FARS2: variants seen among roughly 807,000 people sequenced by gnomAD.
The protein encoded by FARS2 is phenylalanyl-tRNA synthetase 2, mitochondrial.
Under a neutral mutation model 46.4 loss-of-function variants are expected in FARS2, and 40 were observed. The ratio of observed to expected loss-of-function variants is 0.86; its 90% CI spans 0.67 to 1.12. The LOEUF (loss-of-function observed/expected upper bound fraction) is 1.12. Among genes scored for constraint, FARS2 ranks in the 50% most tolerant of loss-of-function variants. The pLI, the probability that FARS2 is intolerant of heterozygous loss-of-function variation, is 0.00. For synonymous variants in FARS2, 234 were observed against 214.9 expected (o/e 1.09, Z -0.78); for missense variants, 513 against 567.9 (o/e 0.90, Z 0.98).
chr6:5,329,457 A>T (rs1173194315), intron 1 of FARS2, among the ~76,000 whole-genome samples: 2 of 146,354 alleles, frequency 1.4e-5, no homozygotes, highest in Non-Finnish European at 3.0e-5. Flanking sequence ...CAACAAATGT[A>T]TGAGTTTTTA....
chr6:5,411,731 C>A (rs1226693908), intron 3 of FARS2, among the ~76,000 whole-genome samples: 1 of 152,094 alleles, frequency 6.6e-6, no homozygotes, highest in East Asian at 1.9e-4. Flanking sequence ...GCTAACATTT[C>A]AATTGTACCA....
chr6:5,291,520 T>A (rs1296015017), intron 1 of FARS2: 4 of 152,210 alleles, frequency 2.6e-5, no homozygotes, highest in African/African-American at 9.7e-5. Flanking sequence ...GAAAATGAAG[T>A]CTGAGATCTT....
chr6:5,660,177 T>C (rs767388350), intron 6 of FARS2, among the ~76,000 whole-genome samples: 8 of 152,232 alleles, frequency 5.3e-5, no homozygotes, highest in Non-Finnish European at 8.8e-5. Flanking sequence ...TTTATTCATA[T>C]GAATGTCCAC....
chr6:5,724,746 G>T (rs1760142391), intron 6 of FARS2, among the ~76,000 whole-genome samples: 2 of 152,178 alleles, frequency 1.3e-5, no homozygotes, highest in African/African-American at 4.8e-5. Flanking sequence ...CGTACTTCAG[G>T]ACCACTCTTT....
chr6:5,344,708 G>A (rs956051500), intron 1 of FARS2, among the ~76,000 whole-genome samples: 4 of 152,082 alleles, frequency 2.6e-5, no homozygotes, highest in Admixed American at 6.5e-5. Context: ...GGCAATTGGA[G>A]TTAGATCTGG....
At chr6:5,438,582 T>A (rs969180248) in intron 4 of FARS2, among the ~76,000 whole-genome samples, 3 of 152,166 alleles carry the variant, frequency 2.0e-5, no homozygotes, top group Admixed American at 2.0e-4. Flanking sequence ...TCCTGTATTT[T>A]CATTTCTATC....
At position 5,714,090 on chromosome 6, in the gene FARS2, G is replaced by A. The variant is rs566179600; in HGVS notation, c.1218-57201G>A. Among the ~76,000 whole-genome samples the A allele has an allele frequency of 1.3e-4, 20 of 152,308 alleles. No homozygotes were observed. The South Asian group carries it at 3.9e-3, about 30-fold the overall frequency. On this transcript the variant is annotated intron_variant, in intron 6 of 6. Transcript: ENST00000274680. ...CGCCATTGTGTGTGTGTGTGAGTGC[G>A]CGTGTGTCGAGCTTTGCTTTCAGAG...
chr6:5,301,802 T>TAC (rs143654686), intron 1 of FARS2, among the ~76,000 whole-genome samples: 23,606 of 132,040 alleles, frequency 0.18, 1,886 homozygotes, highest in East Asian at 0.3. Flanking sequence ...CACACACACA[T>TAC]ACACACACAC....
At chr6:5,529,277 A>G (rs935541796) in intron 4 of FARS2, among the ~76,000 whole-genome samples, 4 of 152,108 alleles carry the variant, frequency 2.6e-5, no homozygotes, top group Admixed American at 6.5e-5. Flanking sequence ...GAAAGCATCT[A>G]TCACATTTTT....
chr6:5,368,373 T>G (rs1307752257), intron 1 of FARS2, among the ~76,000 whole-genome samples, 177 bp from the exon 2 acceptor site: 1 of 152,186 alleles, frequency 6.6e-6, no homozygotes, highest in Non-Finnish European at 1.5e-5. Context: ...TTTCATTTAG[T>G]GTATTAAGTA....
intron 5 of FARS2, among the ~76,000 whole-genome samples, chr6:5,612,782 A>G (rs373051230): frequency 6.6e-6 from 1 of 152,208 alleles, no homozygotes; most frequent in Admixed American, 6.5e-5. Context: ...TTCCTCTACT[A>G]AAATGGCTTT....
intron 4 of FARS2, among the ~76,000 whole-genome samples, chr6:5,444,294 C>T (rs1172627355): frequency 1.3e-5 from 2 of 151,864 alleles, no homozygotes; most frequent in East Asian, 3.9e-4. Flanking sequence ...TGGTGAAGCC[C>T]CGTCTCTACT....
chr6:5,324,093 G>A (rs933312842), intron 1 of FARS2, among the ~76,000 whole-genome samples: 1 of 152,168 alleles, frequency 6.6e-6, no homozygotes, highest in African/African-American at 2.4e-5. Flanking sequence ...CTCTTAGTCT[G>A]TAAGAGAAAG....
intron 4 of FARS2, among the ~76,000 whole-genome samples, chr6:5,440,547 A>T (rs1359632184): frequency 6.6e-6 from 1 of 152,262 alleles, no homozygotes; most frequent in Non-Finnish European, 1.5e-5. Flanking sequence ...TTTATGATGC[A>T]TATTCATAGG....
At chr6:5,401,433 T>A (rs543086237) in intron 2 of FARS2, among the ~76,000 whole-genome samples, 1 of 152,210 alleles carries the variant, frequency 6.6e-6, no homozygotes, top group African/African-American at 2.4e-5. Flanking sequence ...TCTACTTTCC[T>A]CTTTGCTGCT....
intron 6 of FARS2, among the ~76,000 whole-genome samples, chr6:5,752,387 C>A (rs1761997280): frequency 6.6e-6 from 1 of 152,186 alleles, no homozygotes; most frequent in South Asian, 2.1e-4. Context: ...TTCTCGGCAG[C>A]TGACAGGATG....
At chr6:5,715,232 G>A (rs1759424945) in intron 6 of FARS2, among the ~76,000 whole-genome samples, 1 of 152,098 alleles carries the variant, frequency 6.6e-6, no homozygotes, top group African/African-American at 2.4e-5. Flanking sequence ...GTGAGGATTT[G>A]ATCCAGGGGG....
chr6:5,650,476 C>T (rs112346295), intron 6 of FARS2, among the ~76,000 whole-genome samples: 3 of 152,048 alleles, frequency 2.0e-5, no homozygotes, highest in South Asian at 2.1e-4. Context: ...TAACAAATTG[C>T]GGCATGGTGA....
intron 4 of FARS2, among the ~76,000 whole-genome samples, chr6:5,445,095 G>A (rs1400747018): frequency 6.6e-6 from 1 of 152,122 alleles, no homozygotes; most frequent in Non-Finnish European, 1.5e-5. Context: ...TTGTTGTATA[G>A]CACCACATAG....
Sources: gnomAD v4.1 joint callset for allele counts (sites outside exome capture counted in the v4.1 genomes callset) on GRCh38, gnomAD v4.1.1 for gene constraint, MANE v1.5 for transcripts, NCBI Gene and HGNC (gene_info 2026-07-23, HGNC 2026-07-21) for gene names.